DLEC1: variants seen among roughly 807,000 people sequenced by gnomAD.
DLEC1 encodes the protein DLEC1 cilia and flagella associated protein.
In DLEC1, 146 loss-of-function variants were observed where a neutral mutation model predicts 198.1. That is an observed-to-expected ratio of 0.74 (90% CI 0.64 to 0.85). The LOEUF is 0.85. Ranked by LOEUF, DLEC1 falls within the 40% of genes least tolerant of loss-of-function variation. The pLI is 0.00. For missense variants in DLEC1, 2,233 were observed against 2,220.0 expected, an observed-to-expected ratio of 1.01 and a Z score of -0.12; for synonymous variants, 897 against 866.8, an observed-to-expected ratio of 1.03 and a Z score of -0.61.
At chr3:38,051,468 A>G (rs184995521) in intron 2 of DLEC1, among the ~76,000 whole-genome samples, 1 of 152,340 alleles carries the variant, frequency 6.6e-6, no homozygotes, top group Non-Finnish European at 1.5e-5. Context: ...GCCATCGAGG[A>G]GGACATGGCT....
chr3:38,108,549 G>T, intron 21 of DLEC1, 34 bp downstream of exon 21: 1 of 1,568,552 alleles, frequency 6.4e-7, no homozygotes, highest in Non-Finnish European at 8.8e-7. Context: ...GAGTGACCGG[G>T]AAGGCACCCT....
In DLEC1 at chr3:38,084,479, G is replaced by GTA. The variant is rs1559430427; in HGVS notation, c.1261+234_1261+235insTA. ...TAGTAGTAATAGTAGTGGTGGTGGTGGTAGTAGTGGTGGTAGTAGTAGTGG... is the reference window on the plus strand; with the variant it reads ...TAGTAGTAATAGTAGTGGTGGTGGTGTAGTAGTAGTGGTGGTAGTAGTAGTGG... On this transcript the variant is annotated intron_variant, in intron 7 of 36. Coordinates refer to ENST00000308059, the MANE Select transcript of DLEC1 (RefSeq NM_007335.4). 6.4e-3 allele frequency among the ~76,000 whole-genome samples: 32 copies of GTA among 4,990 alleles called. 1 individual carries two copies. The highest frequency in any genetic ancestry group is 7.9e-3 in the Non-Finnish European group (22 of 2,792). 3.3% of individuals were successfully genotyped at this position (4,990 alleles called of 152,430 possible).
chr3:38,079,300 A>G (rs62240706), intron 6 of DLEC1, among the ~76,000 whole-genome samples: 52,033 of 151,872 alleles, frequency 0.34, 9,260 homozygotes, highest in East Asian at 0.53. Flanking sequence ...TTAAAAGAGT[A>G]TTGTCTAAGT....
chr3:38,062,466 C>G, intron 4 of DLEC1, 98 bp downstream of exon 4: 1 of 1,577,868 alleles, frequency 6.3e-7, no homozygotes. Context: ...ATGAATCCAT[C>G]GCAAAATAGA....
intron 15 of DLEC1, 126 bp downstream of exon 15, chr3:38,096,863 A>G (rs1487186432): frequency 1.7e-6 from 2 of 1,208,890 alleles, no homozygotes; most frequent in Middle Eastern, 2.9e-4. Context: ...GGCCATTCCC[A>G]GGGCTTTGAA....
intron 2 of DLEC1, among the ~76,000 whole-genome samples, chr3:38,052,839 A>G (rs971696786): frequency 1.3e-5 from 2 of 152,048 alleles, no homozygotes; most frequent in African/African-American, 2.4e-5. Context: ...AAGTTGTGAA[A>G]GCCGAGGCTG....
chr3:38,060,525 G>A (rs184175204), intron 3 of DLEC1, among the ~76,000 whole-genome samples: 60 of 152,166 alleles, frequency 3.9e-4, no homozygotes, highest in African/African-American at 1.3e-3. Flanking sequence ...TTGAGGGACT[G>A]TTTGATTCTC....
chr3:38,100,190 C>T, intron 18 of DLEC1, 96 bp from the exon 19 acceptor site: 1 of 1,453,940 alleles, frequency 6.9e-7, no homozygotes, highest in Non-Finnish European at 9.1e-7. Flanking sequence ...GCTGGGGCAG[C>T]TTAGGAGTGA....
intron 6 of DLEC1, among the ~76,000 whole-genome samples, chr3:38,079,657 C>T (rs974049219): frequency 1.3e-5 from 2 of 152,142 alleles, no homozygotes; most frequent in African/African-American, 4.8e-5. Flanking sequence ...CAGTGGGGTC[C>T]CACACAGATG....
chr3:38,092,942 T>C lies in DLEC1; in HGVS notation c.1756+62T>C, dbSNP rs372245005. 2.7e-5 allele frequency: 40 copies of C among 1,505,022 alleles called. No individual in the cohort carries two copies. The African/African-American group carries it at 4.7e-4, about 18-fold the overall frequency. 93.2% of individuals were successfully genotyped at this position (1,505,022 alleles called of 1,614,324 possible). ...AGGCTGCCCCAGCTCCAGGGGCCACTGACCACAGTAGCATTAGCGGCAGCC... is the reference window on the plus strand; with the variant it reads ...AGGCTGCCCCAGCTCCAGGGGCCACCGACCACAGTAGCATTAGCGGCAGCC... On this transcript the variant is annotated intron_variant, in intron 11 of 36. Coordinates refer to ENST00000308059, the MANE Select transcript of DLEC1 (RefSeq NM_007335.4).
intron 6 of DLEC1, among the ~76,000 whole-genome samples, chr3:38,083,564 A>C (rs1698177431): frequency 6.6e-6 from 1 of 150,850 alleles, no homozygotes; most frequent in African/African-American, 2.4e-5. Context: ...CAGTTAAGGC[A>C]AGGACCAGCC....
At chr3:38,104,682 T>G (rs1224963103) in intron 19 of DLEC1, among the ~76,000 whole-genome samples, 1 of 152,246 alleles carries the variant, frequency 6.6e-6, no homozygotes, top group Non-Finnish European at 1.5e-5. Context: ...CAAATTTTTC[T>G]TGGTCAGTCT....
Position 38,096,750 on chromosome 3 carries a change from C to T in DLEC1, c.2340+13C>T. ...GAAGGCTTTTAAGGTAGGTCATTGT[C>T]TCTCCCCTGCCTAGGCTGGCCGAGG... On this transcript the variant is annotated intron_variant, in intron 15 of 36. Transcript: ENST00000308059. 4 of 1,596,526 alleles carry T rather than the reference C, an allele frequency of 2.5e-6. No individual in the cohort carries two copies. Among genetic ancestry groups the T allele is most frequent in the African/African-American group, 1.3e-5 (1 of 74,574 alleles).
Position 38,093,621 on chromosome 3 carries a change from T to C in DLEC1, c.1773T>C (p.Ile591=), listed in dbSNP as rs762750280. Residue 591 remains isoleucine (I), a synonymous_variant, in exon 12 of 37, where the codon ATT becomes ATC. Coordinates refer to ENST00000308059, the MANE Select transcript of DLEC1 (RefSeq NM_007335.4). ...ELVTIGIGQL[I]ALDLIYISGE... is the part of the protein sequence containing the mutation. ...CTTTGGCAGGAATTGGGCAGCTGAT[T>C]GCTTTGGATCTGATCTATATTTCTG... 19 of 1,614,060 alleles carry C rather than the reference T, an allele frequency of 1.2e-5. No individual in the cohort carries two copies. Among genetic ancestry groups the C allele is most frequent in the Non-Finnish European group, 1.3e-5 (15 of 1,180,036 alleles).
Position 38,092,845 on chromosome 3 carries a change from G to A in DLEC1, c.1721G>A (p.Cys574Tyr). ...GCAGAGCAGACCTTCATCATCATGT[G>A]CGACAACTGCCAGATAAAGGAGCTG... ...GKAEQTFIIMCDNCQIKELVT... is the reference protein window; with the variant it reads ...GKAEQTFIIMYDNCQIKELVT... Residue 574 changes from cysteine to tyrosine, a missense_variant, in exon 11 of 37, where the codon TGC becomes TAC. Transcript: ENST00000308059. 2 of 1,614,158 alleles carry A rather than the reference G, an allele frequency of 1.2e-6. No homozygotes were observed. The highest frequency in any genetic ancestry group is 1.7e-6 in the Non-Finnish European group (2 of 1,180,032).
intron 6 of DLEC1, among the ~76,000 whole-genome samples, chr3:38,077,558 T>C (rs1697697871): frequency 6.6e-6 from 1 of 152,100 alleles, no homozygotes; most frequent in Non-Finnish European, 1.5e-5. Context: ...GATATAAAGG[T>C]TTCCTGAAAA....
intron 2 of DLEC1, among the ~76,000 whole-genome samples, chr3:38,054,503 G>T (rs1169463412): frequency 6.6e-6 from 1 of 152,242 alleles, no homozygotes; most frequent in Admixed American, 6.5e-5. Context: ...TTCCCAGGGG[G>T]TGACACAAGG....
At chr3:38,106,755 C>CAAAAAAAAAAAAAAAAAA (rs4019982) in intron 19 of DLEC1, among the ~76,000 whole-genome samples, 1 of 38,980 alleles carries the variant, frequency 2.6e-5, no homozygotes, top group Non-Finnish European at 5.2e-5. Flanking sequence ...GACTCTATCT[C>CAAAAAAAAAAAAAAAAAA]AAAAAAAAAA....
chr3:38,107,520 G>C, intron 19 of DLEC1, 64 bp from the exon 20 acceptor site: 2 of 1,447,206 alleles, frequency 1.4e-6, no homozygotes. Flanking sequence ...ATGTCATCTA[G>C]AAATAGGGAC....
Sources: allele counts gnomAD v4.1 joint callset (sites outside exome capture counted in the v4.1 genomes callset), GRCh38; gene constraint gnomAD v4.1.1; transcripts MANE v1.5; gene names NCBI Gene and HGNC (gene_info 2026-07-23, HGNC 2026-07-21).